The following HERC2 variants were observed in gnomAD, a reference collection of about 807,000 sequenced individuals.
HERC2 encodes HECT and RLD domain containing E3 ubiquitin protein ligase 2, also known as E3 ubiquitin-protein ligase HERC2.
A neutral mutation model predicts 537.7 loss-of-function variants in HERC2; 102 were observed. The ratio of observed to expected loss-of-function variants is 0.19; its 90% CI spans 0.16 to 0.22. The LOEUF is 0.22. HERC2 is among the 10% of genes least tolerant of loss of function. HERC2 has a pLI of 1.00. For synonymous variants in HERC2, 2,224 were observed against 2,466.2 expected, an observed-to-expected ratio of 0.90 and a Z score of 2.91; for missense variants, 4,236 against 6,198.2, an observed-to-expected ratio of 0.68 and a Z score of 10.63.
chr15:28,168,835 A>G (rs111269832), intron 66 of HERC2, among the ~76,000 whole-genome samples: 299 of 146,934 alleles, frequency 2.0e-3, no homozygotes, highest in African/African-American at 5.5e-3. Context: ...TGCCAAACAT[A>G]AAAACCAGAC....
intron 86 of HERC2, among the ~76,000 whole-genome samples, 165 bp downstream of exon 86, chr15:28,121,181 C>G (rs1417057599): frequency 6.6e-6 from 1 of 152,232 alleles, no homozygotes; most frequent in African/African-American, 2.4e-5. Context: ...CTGGAAGCCC[C>G]AGCACATCAC....
intron 83 of HERC2, among the ~76,000 whole-genome samples, chr15:28,129,584 CAGCAG>C (rs1261555553): frequency 6.6e-6 from 1 of 152,230 alleles, no homozygotes; most frequent in Non-Finnish European, 1.5e-5. Flanking sequence ...TCCCAGACAC[CAGCAG>C]AGGGCCAAGC....
At chr15:28,161,253 ATTTT>A (rs139192448) in intron 69 of HERC2, among the ~76,000 whole-genome samples, 1 of 150,966 alleles carries the variant, frequency 6.6e-6, no homozygotes, top group African/African-American at 2.4e-5. Context: ...ACATTTAATG[ATTTT>A]TTTTTTAAAT....
At chr15:28,142,542 C>T (rs1891330706) in intron 75 of HERC2, 149 bp from the exon 76 acceptor site, 3 of 874,386 alleles carry the variant, frequency 3.4e-6, no homozygotes, top group South Asian at 1.8e-5. Flanking sequence ...GATGTGGCGA[C>T]CTCTGACAGT....
At chr15:28,273,512 G>A (rs2075794787) in intron 7 of HERC2, among the ~76,000 whole-genome samples, 1 of 152,166 alleles carries the variant, frequency 6.6e-6, no homozygotes, top group African/African-American at 2.4e-5. Flanking sequence ...TCCTAAGACT[G>A]CAGAGAAAGG....
chr15:28,117,179 G>A (rs758346270), intron 86 of HERC2, 25 bp from the exon 87 acceptor site: 63 of 1,612,066 alleles, frequency 3.9e-5, no homozygotes, highest in East Asian at 3.3e-4. Context: ...GCAAGCAAGC[G>A]TGAGGCCGCT....
chr15:28,138,180 G>A (rs990952356), intron 78 of HERC2, among the ~76,000 whole-genome samples: 1 of 152,188 alleles, frequency 6.6e-6, no homozygotes, highest in Non-Finnish European at 1.5e-5. Flanking sequence ...AAAAGTGCAA[G>A]GGAAAGTAGC....
At chr15:28,150,257 AAC>A (rs1240649095) in intron 70 of HERC2, among the ~76,000 whole-genome samples, 2 of 152,124 alleles carry the variant, frequency 1.3e-5, no homozygotes, top group Non-Finnish European at 2.9e-5. Context: ...TTACCGAAGA[AAC>A]ACACGCGGCT....
At chr15:28,190,669 T>C (rs1389972582) in intron 55 of HERC2, 1 of 456,732 alleles carries the variant, frequency 2.2e-6, no homozygotes, top group African/African-American at 2.0e-5. Context: ...AGTGTTCAGA[T>C]GCAATCAGCA....
At chr15:28,315,124 C>T (rs578079564) in intron 2 of HERC2, among the ~76,000 whole-genome samples, 20 of 152,326 alleles carry the variant, frequency 1.3e-4, no homozygotes, top group Admixed American at 3.3e-4. Flanking sequence ...TCACTAGGCA[C>T]ATGTGGCTTT....
In HERC2 at chr15:28,223,054, T is replaced by C. The variant is rs544713415; in HGVS notation, c.5465-839A>G. On this transcript the variant is annotated intron_variant, in intron 35 of 92. Coordinates refer to ENST00000261609, the MANE Select transcript of HERC2 (RefSeq NM_004667.6). ...CCTGAGTTCAACTACATGCTGAGTC[T>C]TGTGAGTCCTCCTGGCCAACCATCA... 3.3e-5 allele frequency among the ~76,000 whole-genome samples: 5 copies of C among 152,304 alleles called. 1 individual carries two copies. The East Asian group carries it at 9.6e-4, about 29-fold the overall frequency.
In HERC2 at chr15:28,181,240, C is replaced by T. The variant is rs553688041; in HGVS notation, c.8937+1161G>A. Among the ~76,000 whole-genome samples, 4 of 152,312 alleles carry T rather than the reference C, an allele frequency of 2.6e-5. No homozygotes were observed. The South Asian group carries it at 8.3e-4, about 32-fold the overall frequency. ...GGATTTTCATCACAACCGTGGAACACCGACTCTGTCCTTGAAGTGAAAACT... is the reference window on the plus strand; with the variant it reads ...GGATTTTCATCACAACCGTGGAACATCGACTCTGTCCTTGAAGTGAAAACT... On this transcript the variant is annotated intron_variant, in intron 57 of 92. Coordinates refer to ENST00000261609, the MANE Select transcript of HERC2 (RefSeq NM_004667.6).
chr15:28,218,430 G>C (rs1900159541), intron 38 of HERC2, 59 bp downstream of exon 38: 2 of 1,463,536 alleles, frequency 1.4e-6, no homozygotes, highest in African/African-American at 1.7e-5. Flanking sequence ...TGAACACCCA[G>C]ACACAAGCGT....
rs1402644582 is a variant in HERC2 at position 28,280,180 on chromosome 15, G to A, written c.430C>T (p.Leu144=). The change falls in exon 5 of 93, where the codon CTG becomes TTG. Residue 144 remains leucine (L), a synonymous_variant. Coordinates refer to ENST00000261609, the MANE Select transcript of HERC2 (RefSeq NM_004667.6). ...TLSALRLKQR[L]VILERYFIAL... ...ATGAAATAGCGCTCCAAGATCACCA[G>A]CCTCTGCTTGAGTCGCAGGGCTGAG... The A allele has an allele frequency of 5.0e-6, 8 of 1,614,034 alleles. No homozygotes were observed. The highest frequency in any genetic ancestry group is 6.8e-6 in the Non-Finnish European group (8 of 1,180,026).
intron 57 of HERC2, among the ~76,000 whole-genome samples, chr15:28,180,204 T>C (rs764790196): frequency 2.0e-5 from 3 of 152,210 alleles, no homozygotes; most frequent in Non-Finnish European, 4.4e-5. Flanking sequence ...AATACACACA[T>C]GCCACTGAGT....
chr15:28,140,816 C>T (rs1020280889), intron 78 of HERC2, among the ~76,000 whole-genome samples: 25 of 151,670 alleles, frequency 1.6e-4, no homozygotes, highest in Non-Finnish European at 2.9e-4. Flanking sequence ...GCCACCGCAC[C>T]GGGTCAGCAG....
chr15:28,251,632 C>T (rs776684348), intron 20 of HERC2, among the ~76,000 whole-genome samples: 2 of 151,996 alleles, frequency 1.3e-5, no homozygotes, highest in Non-Finnish European at 2.9e-5. Context: ...GAAACCCTGT[C>T]TCTACAAAAA....
intron 30 of HERC2, among the ~76,000 whole-genome samples, chr15:28,232,732 C>G (rs1056646215): frequency 2.6e-5 from 4 of 152,096 alleles, no homozygotes; most frequent in African/African-American, 9.7e-5. Flanking sequence ...TTTAGCTTGC[C>G]TTTATAATTC....
chr15:28,209,972 A>G lies in HERC2; in HGVS notation c.7069+1030T>C, dbSNP rs538587583. On this transcript the variant is annotated intron_variant, in intron 44 of 92. Coordinates refer to ENST00000261609, the MANE Select transcript of HERC2 (RefSeq NM_004667.6). ...TTTTTTTTTTTTTTTTTTTTGAGAC[A>G]AAGTCTCACTCTGTCGCCCAGGCTG... Among the ~76,000 whole-genome samples, 30 of 111,046 alleles carry G rather than the reference A, an allele frequency of 2.7e-4. 2 individuals carry two copies. In the Middle Eastern group the frequency reaches 0.03, roughly 112 times the overall value. 72.9% of individuals were successfully genotyped at this position (111,046 alleles called of 152,430 possible).
Sources: allele counts gnomAD v4.1 joint callset (sites outside exome capture counted in the v4.1 genomes callset), GRCh38; gene constraint gnomAD v4.1.1; transcripts MANE v1.5; gene names NCBI Gene and HGNC (gene_info 2026-07-23, HGNC 2026-07-21).